The following RBFOX1 variants were observed in gnomAD, a reference collection of about 807,000 sequenced individuals.
RBFOX1 encodes RNA binding fox-1 homolog 1, also known as RNA binding protein fox-1 homolog 1.
Under a neutral mutation model 57.7 loss-of-function variants are expected in RBFOX1, and 8 were observed. The observed-to-expected ratio is 0.14, with a 90% CI of 0.08 to 0.25. RBFOX1 has a LOEUF of 0.25. Among genes scored for constraint, RBFOX1 ranks in the 10% least tolerant of loss-of-function variants. The pLI is 1.00. For synonymous variants in RBFOX1, 326 were observed against 222.4 expected (o/e 1.47, Z -4.15); for missense variants, 611 against 548.5 (o/e 1.11, Z -1.14).
chr16:6,449,734 C>A (rs2094552969), intron 2 of RBFOX1, among the ~76,000 whole-genome samples: 1 of 152,108 alleles, frequency 6.6e-6, no homozygotes, highest in Non-Finnish European at 1.5e-5. Context: ...TGAATTCAAG[C>A]ATACTGGAAA....
At position 7,488,326 on chromosome 16, in the gene RBFOX1, C is replaced by T. The variant is rs374903473; in HGVS notation, c.28-29821C>T. Among the ~76,000 whole-genome samples the T allele has an allele frequency of 2.0e-5, 3 of 152,142 alleles. No individual in the cohort carries two copies. The East Asian group carries it at 5.8e-4, about 30-fold the overall frequency. Reference sequence around the variant, plus strand: ...GCATTTTTCTCCTTTTCTTTTTCTCCTTTATTATAGCTAGATAGTTGGATA... The same window carrying T: ...GCATTTTTCTCCTTTTCTTTTTCTCTTTTATTATAGCTAGATAGTTGGATA... On this transcript the variant is annotated intron_variant, in intron 4 of 15. Coordinates refer to ENST00000550418, the MANE Select transcript of RBFOX1 (RefSeq NM_018723.4).
intron 4 of RBFOX1, among the ~76,000 whole-genome samples, chr16:6,000,406 C>T (rs972300732): frequency 1.3e-5 from 2 of 152,048 alleles, no homozygotes; most frequent in African/African-American, 4.8e-5. Flanking sequence ...ACTGTGGGGG[C>T]GTTTCCTTTG....
intron 3 of RBFOX1, among the ~76,000 whole-genome samples, chr16:5,624,729 A>G (rs1167041321): frequency 6.6e-6 from 1 of 152,226 alleles, no homozygotes; most frequent in Non-Finnish European, 1.5e-5. Flanking sequence ...GGACACAGCC[A>G]CCAATGCGGG....
At chr16:5,832,754 C>T (rs1394271942) in intron 3 of RBFOX1, among the ~76,000 whole-genome samples, 2 of 152,144 alleles carry the variant, frequency 1.3e-5, no homozygotes, top group Non-Finnish European at 2.9e-5. Flanking sequence ...GAGTCTGAGT[C>T]TTAGAGCCAG....
intron 4 of RBFOX1, among the ~76,000 whole-genome samples, chr16:7,473,604 T>A (rs2062010421): frequency 6.6e-6 from 1 of 151,634 alleles, no homozygotes; most frequent in South Asian, 2.1e-4. Context: ...ACCCATATTA[T>A]GAGTTACAGG....
intron 3 of RBFOX1, among the ~76,000 whole-genome samples, chr16:5,625,825 T>G (rs1358530852): frequency 6.6e-6 from 1 of 152,160 alleles, no homozygotes; most frequent in Non-Finnish European, 1.5e-5. Context: ...CCCAAAGTAC[T>G]GGGATTACAG....
At chr16:6,371,523 C>T (rs1417496647) in intron 2 of RBFOX1, among the ~76,000 whole-genome samples, 1 of 152,090 alleles carries the variant, frequency 6.6e-6, no homozygotes, top group Non-Finnish European at 1.5e-5. Context: ...ATCATTTTGA[C>T]ATAAACCCGT....
intron 1 of RBFOX1, among the ~76,000 whole-genome samples, chr16:6,214,103 G>A (rs769120738): frequency 6.6e-6 from 1 of 152,206 alleles, no homozygotes; most frequent in Non-Finnish European, 1.5e-5. Context: ...GCATGAGTGG[G>A]TGCCTTGTTC....
chr16:6,371,981 A>G (rs2090492086), intron 2 of RBFOX1, among the ~76,000 whole-genome samples: 2 of 152,200 alleles, frequency 1.3e-5, no homozygotes, highest in African/African-American at 2.4e-5. Flanking sequence ...TTGCCTAGGA[A>G]GATGTCTGGT....
chr16:5,885,605 C>T (rs1280107546), intron 4 of RBFOX1, among the ~76,000 whole-genome samples: 1 of 152,120 alleles, frequency 6.6e-6, no homozygotes, highest in Non-Finnish European at 1.5e-5. Flanking sequence ...CTGAAGACCC[C>T]TGGCTTGATT....
chr16:7,356,050 T>C (rs1460107533), intron 4 of RBFOX1, among the ~76,000 whole-genome samples: 1 of 152,232 alleles, frequency 6.6e-6, no homozygotes, highest in Admixed American at 6.5e-5. Context: ...ACGAGTTCTC[T>C]CTAATGGGGC....
chr16:7,083,008 G>C (rs1448730269), intron 4 of RBFOX1, among the ~76,000 whole-genome samples: 4 of 152,108 alleles, frequency 2.6e-5, no homozygotes, highest in African/African-American at 4.8e-5. Context: ...TTGAATATTT[G>C]AATATATTTA....
At chr16:7,185,911 C>A (rs182305424) in intron 4 of RBFOX1, among the ~76,000 whole-genome samples, 37 of 152,294 alleles carry the variant, frequency 2.4e-4, no homozygotes, top group African/African-American at 8.7e-4. Flanking sequence ...TGATACAATT[C>A]CCACTGGTGA....
At chr16:5,531,656 A>G (rs1283154038) in intron 2 of RBFOX1, among the ~76,000 whole-genome samples, 1 of 151,968 alleles carries the variant, frequency 6.6e-6, no homozygotes, top group Admixed American at 6.6e-5. Context: ...AAGCATTGCC[A>G]TGAGGATTAA....
At chr16:6,884,224 C>T (rs2063515790) in intron 3 of RBFOX1, among the ~76,000 whole-genome samples, 1 of 152,184 alleles carries the variant, frequency 6.6e-6, no homozygotes, top group Non-Finnish European at 1.5e-5. Context: ...AGCCATGCTG[C>T]AGAGGCCAGG....
intron 3 of RBFOX1, among the ~76,000 whole-genome samples, chr16:6,972,220 ACT>A (rs1389663333): frequency 1.3e-5 from 2 of 151,702 alleles, no homozygotes; most frequent in African/African-American, 2.4e-5. Context: ...TAAATCTGAA[ACT>A]CTGTATCTAT....
intron 4 of RBFOX1, among the ~76,000 whole-genome samples, chr16:7,389,679 G>T (rs564611685): frequency 6.6e-6 from 1 of 152,268 alleles, no homozygotes; most frequent in African/African-American, 2.4e-5. Context: ...AAGACAATCT[G>T]GCTGGAGTTT....
chr16:6,828,079 G>A (rs780316608), intron 3 of RBFOX1, among the ~76,000 whole-genome samples: 52 of 152,276 alleles, frequency 3.4e-4, no homozygotes, highest in South Asian at 1.0e-3. Flanking sequence ...TAAGATGCAT[G>A]CAGTTATGAA....
rs570716768 is a variant in RBFOX1, at chr16:5,360,398, G to T, written c.220-106818G>T. ...CTGCTTCTTGAAACTCAATGTGCAC[G>T]TGGTTTCCTGTGGGAGAAAAGGTGC... On this transcript the variant is annotated intron_variant, in intron 1 of 2. Coordinates refer to the RBFOX1 transcript ENST00000585867. 2.6e-5 allele frequency among the ~76,000 whole-genome samples: 4 copies of T among 152,348 alleles called. No homozygotes were observed. In the South Asian group the frequency reaches 6.2e-4, roughly 24 times the overall value.
Sources: gnomAD v4.1 joint callset for allele counts (sites outside exome capture counted in the v4.1 genomes callset) on GRCh38, gnomAD v4.1.1 for gene constraint, MANE v1.5 for transcripts, NCBI Gene and HGNC (gene_info 2026-07-23, HGNC 2026-07-21) for gene names.